The following PDZD2 variants were observed in gnomAD, a reference collection of about 807,000 sequenced individuals.
The protein encoded by PDZD2 is PDZ domain-containing protein 2.
A neutral mutation model predicts 220.7 loss-of-function variants in PDZD2; 90 were observed. The ratio of observed to expected loss-of-function variants is 0.41; its 90% CI spans 0.34 to 0.49. The LOEUF (loss-of-function observed/expected upper bound fraction) is 0.49. Among genes scored for constraint, PDZD2 ranks in the 20% least tolerant of loss-of-function variants. PDZD2 has a pLI of 0.28. For missense variants in PDZD2, 3,174 were observed against 3,608.5 expected (o/e 0.88, Z 3.08); for synonymous variants, 1,375 against 1,450.5 (o/e 0.95, Z 1.18).
chr5:31,874,653 T>C (rs554435009), intron 2 of PDZD2, among the ~76,000 whole-genome samples: 7 of 151,734 alleles, frequency 4.6e-5, no homozygotes, highest in African/African-American at 1.7e-4. Flanking sequence ...CCCAGCTACT[T>C]GGAAGGCTGA....
intron 1 of PDZD2, among the ~76,000 whole-genome samples, chr5:31,683,616 A>G (rs1746736371): frequency 1.3e-5 from 2 of 152,188 alleles, no homozygotes; most frequent in African/African-American, 4.8e-5. Context: ...TGCCTGGGAG[A>G]TAGTTTGATA....
intron 1 of PDZD2, among the ~76,000 whole-genome samples, chr5:31,657,790 T>G (rs1351055876): frequency 6.6e-6 from 1 of 152,166 alleles, no homozygotes; most frequent in Non-Finnish European, 1.5e-5. Flanking sequence ...AGTGTTGACC[T>G]CGGCGCTAGT....
At chr5:32,103,231 G>GTATT (rs989258008) in intron 24 of PDZD2, among the ~76,000 whole-genome samples, 2 of 152,082 alleles carry the variant, frequency 1.3e-5, no homozygotes, top group African/African-American at 4.8e-5. Flanking sequence ...CAATCTGAAT[G>GTATT]TATTTATTTA....
At chr5:31,698,024 T>A (rs140198862) in intron 1 of PDZD2, among the ~76,000 whole-genome samples, 1,724 of 151,622 alleles carry the variant, frequency 0.011, 27 homozygotes, top group African/African-American at 0.04. Flanking sequence ...TGCCTCAGCC[T>A]CCCAAGTAGC....
chr5:31,813,791 CAAAG>C (rs1253839940), intron 2 of PDZD2, among the ~76,000 whole-genome samples: 2 of 152,216 alleles, frequency 1.3e-5, no homozygotes, highest in African/African-American at 4.8e-5. Flanking sequence ...GCTGAAGTTT[CAAAG>C]AAAGAGTGTA....
Position 32,061,147 on chromosome 5 carries a change from A to C in PDZD2, c.2451+13A>C. On this transcript the variant is annotated intron_variant, in intron 14 of 24. Transcript: ENST00000438447. ...CCCTAATCCAAAGGTGAGGTGGTCC[A>C]CCCTCTTCTGAACGTGGGAAGATGA... The C allele has an allele frequency of 6.2e-7, 1 of 1,613,576 alleles. No individual in the cohort carries two copies. The highest frequency in any genetic ancestry group is 8.5e-7 in the Non-Finnish European group (1 of 1,179,576).
At chr5:31,750,267 T>C (rs1750869187) in intron 1 of PDZD2, among the ~76,000 whole-genome samples, 2 of 152,180 alleles carry the variant, frequency 1.3e-5, no homozygotes, top group Admixed American at 6.5e-5. Flanking sequence ...CAGTGGCCTT[T>C]GGAGCCCATT....
intron 1 of PDZD2, among the ~76,000 whole-genome samples, chr5:31,762,599 T>C (rs1751719124): frequency 6.6e-6 from 1 of 152,230 alleles, no homozygotes; most frequent in Admixed American, 6.5e-5. Context: ...CTATGGGCAC[T>C]TCTTATGCTA....
chr5:31,647,372 G>A (rs1745174754), intron 1 of PDZD2, among the ~76,000 whole-genome samples: 1 of 152,120 alleles, frequency 6.6e-6, no homozygotes, highest in Non-Finnish European at 1.5e-5. Context: ...TCAGAAATTA[G>A]CACAAACTTG....
In PDZD2 at chr5:32,109,699, T is replaced by G. The variant is rs1561633085; in HGVS notation, c.*1564T>G. 6.6e-6 allele frequency: 1 copy of G among 152,232 alleles called. No homozygotes were observed. Among genetic ancestry groups the G allele is most frequent in the African/African-American group, 2.4e-5 (1 of 41,444 alleles). The allele number at this position is 152,232 out of a possible 1,614,324, so 9.4% of individuals were successfully genotyped here. A position where few individuals can be genotyped will look rare whatever the true frequency, so the allele number is the denominator to read the frequency against. ...TTTGCCATACCTGTGTGCATGACACTAAGATTTTATGTTGGAGATACTTCT... is the reference window on the plus strand; with the variant it reads ...TTTGCCATACCTGTGTGCATGACACGAAGATTTTATGTTGGAGATACTTCT... On this transcript the variant is annotated 3_prime_UTR_variant, in exon 25 of 25. Transcript: ENST00000438447.
intron 1 of PDZD2, among the ~76,000 whole-genome samples, chr5:31,759,395 T>A (rs1408841568): frequency 6.6e-6 from 1 of 152,166 alleles, no homozygotes; most frequent in Non-Finnish European, 1.5e-5. Flanking sequence ...TGCTTTAGCC[T>A]GATTTGCTGG....
intron 2 of PDZD2, among the ~76,000 whole-genome samples, chr5:31,878,555 C>CTTTTTTTTTTTTTT (rs397884384): frequency 0.014 from 688 of 48,202 alleles, 184 homozygotes; most frequent in East Asian, 0.045. Flanking sequence ...ATGACCTCGG[C>CTTTTTTTTTTTTTT]TTTTTTTTTT....
intron 2 of PDZD2, among the ~76,000 whole-genome samples, chr5:31,965,711 A>T (rs1282528339): frequency 2.6e-5 from 4 of 152,120 alleles, no homozygotes; most frequent in African/African-American, 9.7e-5. Flanking sequence ...CCTGACCAAC[A>T]TGGCGAAACC....
At chr5:31,960,941 CGACT>C (rs969602095) in intron 2 of PDZD2, among the ~76,000 whole-genome samples, 1 of 151,758 alleles carries the variant, frequency 6.6e-6, no homozygotes, top group African/African-American at 2.4e-5. Context: ...GTGTAGGGAC[CGACT>C]GACTTATTCA....
At chr5:31,896,699 T>C (rs561157541) in intron 2 of PDZD2, among the ~76,000 whole-genome samples, 3 of 152,372 alleles carry the variant, frequency 2.0e-5, no homozygotes, top group Non-Finnish European at 2.9e-5. Context: ...GGCTCATGGC[T>C]GTAATCACAG....
chr5:32,059,644 A>G (rs1183608831), intron 13 of PDZD2, among the ~76,000 whole-genome samples: 3 of 152,206 alleles, frequency 2.0e-5, no homozygotes, highest in Non-Finnish European at 4.4e-5. Context: ...CTCTATACAG[A>G]TATCTATGAT....
At position 32,090,136 on chromosome 5, in the gene PDZD2, T is replaced by A. The variant is rs762388229; in HGVS notation, c.6688T>A (p.Ser2230Thr). The A allele has an allele frequency of 9.3e-6, 15 of 1,613,756 alleles. No homozygotes were observed. The highest frequency in any genetic ancestry group is 1.2e-5 in the Non-Finnish European group (14 of 1,180,004). The change falls in exon 20 of 25, where the codon TCA becomes ACA. Residue 2230 changes from serine to threonine, a missense_variant. Coordinates refer to ENST00000438447, the MANE Select transcript of PDZD2 (RefSeq NM_178140.4). The surrounding 1 kb of genome is among the most constrained non-coding windows in gnomAD (Gnocchi z 4.3). ...GACCTACTCCATGCCAGCCCAGTTCTCAAGCCATTTTGGACGGGAGGGTCA... is the reference window on the plus strand; with the variant it reads ...GACCTACTCCATGCCAGCCCAGTTCACAAGCCATTTTGGACGGGAGGGTCA... ...TRTYSMPAQF[S>T]SHFGREGHPP...
At chr5:32,014,935 C>CGCT (rs1249311604) in intron 6 of PDZD2, among the ~76,000 whole-genome samples, 7 of 80,098 alleles carry the variant, frequency 8.7e-5, no homozygotes, top group Non-Finnish European at 1.3e-4. Context: ...GTCTCAATCT[C>CGCT]TCTCTTTTTT....
At chr5:32,035,859 G>A (rs1440553867) in intron 6 of PDZD2, among the ~76,000 whole-genome samples, 1 of 152,212 alleles carries the variant, frequency 6.6e-6, no homozygotes, top group Non-Finnish European at 1.5e-5. Flanking sequence ...TCATAGTCAT[G>A]AACTCCAGAC....
Sources: gnomAD v4.1 joint callset for allele counts (sites outside exome capture counted in the v4.1 genomes callset) on GRCh38, gnomAD v4.1.1 for gene constraint, Gnocchi (gnomAD v3.1) non-coding constraint, MANE v1.5 for transcripts, NCBI Gene and HGNC (gene_info 2026-07-23, HGNC 2026-07-21) for gene names.